Variants in RPS6KA2 observed in about 807,000 individuals in gnomAD.
RPS6KA2 encodes ribosomal protein S6 kinase alpha-2.
RPS6KA2 carries 42 observed loss-of-function variants against 91.8 expected under a neutral mutation model. That is an observed-to-expected ratio of 0.46 (90% CI 0.36 to 0.59). RPS6KA2 has a LOEUF of 0.59. Among genes scored for constraint, RPS6KA2 ranks in the 20% least tolerant of loss-of-function variants. The pLI is 0.00. For synonymous variants in RPS6KA2, 414 were observed against 393.6 expected, an observed-to-expected ratio of 1.05 and a Z score of -0.61; for missense variants, 798 against 978.5, an observed-to-expected ratio of 0.82 and a Z score of 2.46.
At chr6:166,802,307 T>G (rs1376837463) in intron 2 of RPS6KA2, among the ~76,000 whole-genome samples, 2 of 151,840 alleles carry the variant, frequency 1.3e-5, no homozygotes, top group African/African-American at 4.8e-5. Context: ...TCCCTAGACA[T>G]TAGGAAAGAG....
chr6:166,488,362 A>G (rs1781481382), intron 10 of RPS6KA2, among the ~76,000 whole-genome samples: 1 of 152,230 alleles, frequency 6.6e-6, no homozygotes, highest in Non-Finnish European at 1.5e-5. Flanking sequence ...CAACTCGCTA[A>G]GACCGGCCCA....
At chr6:166,667,884 C>A (rs1788359469) in intron 2 of RPS6KA2, among the ~76,000 whole-genome samples, 2 of 152,190 alleles carry the variant, frequency 1.3e-5, no homozygotes, top group African/African-American at 4.8e-5. Context: ...GACTCTGAAA[C>A]CCCTGGGCCC....
chr6:166,459,502 C>T lies in RPS6KA2; in HGVS notation c.1022G>A (p.Arg341Lys), dbSNP rs756678287. ...IKPPFKPAVGRPEDTFHFDPE... is the reference protein window; with the variant it reads ...IKPPFKPAVGKPEDTFHFDPE... ...GTCAAAGTGGAAGGTGTCCTCAGGC[C>T]TGCCCACTGCTGGTTTGAACGGTGG... Residue 341 changes from arginine (R) to lysine (K), a missense_variant, in exon 12 of 21, where the codon AGG becomes AAG. By Grantham distance (26) the Arg-to-Lys change is conservative. Transcript: ENST00000265678. This position sits in a 1 kb window ranked among gnomAD's most constrained non-coding sequence, Gnocchi z 4.9. 6.2e-7 allele frequency: 1 copy of T among 1,614,120 alleles called. No homozygotes were observed. The highest frequency in any genetic ancestry group is 8.5e-7 in the Non-Finnish European group (1 of 1,180,010).
chr6:166,510,374 TA>T lies in RPS6KA2; in HGVS notation c.299-18del. ...GGTCCCGAACTGCAAAGTAAAAAGA[TA>T]AAGGCTTTCATGAGGCAGGAAATAA... On this transcript the variant is annotated intron_variant, in intron 3 of 20. Transcript: ENST00000265678. The T allele has an allele frequency of 6.5e-7, 1 of 1,545,536 alleles. No individual in the cohort carries two copies. Among genetic ancestry groups the T allele is most frequent in the Non-Finnish European group, 8.8e-7 (1 of 1,131,212 alleles).
chr6:166,541,693 C>G (rs1241661190), intron 1 of RPS6KA2, among the ~76,000 whole-genome samples: 2 of 152,218 alleles, frequency 1.3e-5, no homozygotes, highest in Non-Finnish European at 2.9e-5. Context: ...GCCACACCCC[C>G]ACCTCCGTTG....
At chr6:166,780,470 G>T (rs529203911) in intron 2 of RPS6KA2, among the ~76,000 whole-genome samples, 1 of 152,176 alleles carries the variant, frequency 6.6e-6, no homozygotes, top group African/African-American at 2.4e-5. Flanking sequence ...CCTGGACCTG[G>T]GGCTTCTGGC....
At chr6:166,447,493 C>T (rs538182286) in intron 14 of RPS6KA2, among the ~76,000 whole-genome samples, 27 of 152,042 alleles carry the variant, frequency 1.8e-4, no homozygotes, top group Admixed American at 1.4e-3. Flanking sequence ...GATTTTTTTT[C>T]GGCTGGCGTC....
intron 2 of RPS6KA2, among the ~76,000 whole-genome samples, chr6:166,690,162 A>ATGTCTG (rs1267760214): frequency 2.6e-5 from 4 of 152,188 alleles, no homozygotes; most frequent in African/African-American, 9.7e-5. Context: ...ACCACATCAC[A>ATGTCTG]ACCCACCAGT....
At chr6:166,592,651 G>T (rs112899355) in intron 1 of RPS6KA2, among the ~76,000 whole-genome samples, 2 of 151,518 alleles carry the variant, frequency 1.3e-5, no homozygotes, top group Admixed American at 6.6e-5. Context: ...AGGGACGGGG[G>T]AGGGCAGGCA....
At chr6:166,521,325 C>A (rs1782847513) in intron 3 of RPS6KA2, among the ~76,000 whole-genome samples, 1 of 152,222 alleles carries the variant, frequency 6.6e-6, no homozygotes, top group Admixed American at 6.5e-5. Flanking sequence ...GAGAGCCAAC[C>A]CCTGCCCTGC....
intron 14 of RPS6KA2, among the ~76,000 whole-genome samples, chr6:166,436,060 A>G (rs1223485234): frequency 6.6e-6 from 1 of 152,208 alleles, no homozygotes; most frequent in Non-Finnish European, 1.5e-5. Context: ...ACAAATTAAT[A>G]TGAATCGATC....
intron 2 of RPS6KA2, chr6:166,702,502 A>G: frequency 6.4e-7 from 1 of 1,553,754 alleles, no homozygotes. Context: ...GTCAGTGTTC[A>G]CTTGCTGACA....
At chr6:166,656,083 A>G (rs527390743) in intron 2 of RPS6KA2, among the ~76,000 whole-genome samples, 1 of 152,320 alleles carries the variant, frequency 6.6e-6, no homozygotes, top group South Asian at 2.1e-4. Flanking sequence ...GGGGAAGCTC[A>G]CGCCTAGAAC....
intron 1 of RPS6KA2, among the ~76,000 whole-genome samples, chr6:166,545,813 G>A (rs1783807501): frequency 6.6e-6 from 1 of 152,126 alleles, no homozygotes; most frequent in Non-Finnish European, 1.5e-5. Context: ...AAGGCAAATT[G>A]GACTCTGAAA....
chr6:166,417,781 T>C (rs1778588133), intron 19 of RPS6KA2, among the ~76,000 whole-genome samples: 1 of 152,096 alleles, frequency 6.6e-6, no homozygotes, highest in Non-Finnish European at 1.5e-5. Context: ...ATGCCGAGGA[T>C]AAGGCCAGGT....
At position 166,852,213 on chromosome 6, in the gene RPS6KA2, G is replaced by T. The variant is rs1780763331; in HGVS notation, c.123+5987C>A. Among the ~76,000 whole-genome samples, 1 of 152,200 alleles carries T rather than the reference G, an allele frequency of 6.6e-6. No homozygotes were observed. Among genetic ancestry groups the T allele is most frequent in the Non-Finnish European group, 1.5e-5 (1 of 68,030 alleles). ...CAAATGCAAATAGACTGCCATCATG[G>T]TGACTTATGTAACACCAGCTTTCAG... is the stretch of plus-strand genomic sequence containing the variant. On this transcript the variant is annotated intron_variant, in intron 2 of 21. Coordinates refer to the RPS6KA2 transcript ENST00000503859. The surrounding 1 kb of genome is among the most constrained non-coding windows in gnomAD (Gnocchi z 4.1).
intron 2 of RPS6KA2, among the ~76,000 whole-genome samples, chr6:166,786,586 C>T (rs1178364888): frequency 6.6e-6 from 1 of 151,732 alleles, no homozygotes; most frequent in Non-Finnish European, 1.5e-5. Context: ...TTGTAATTTA[C>T]TTCAAACATT....
In RPS6KA2 at chr6:166,784,231, A is replaced by AT. The variant is rs1778860317; in HGVS notation, c.123+73968_123+73969insA. Among the ~76,000 whole-genome samples the AT allele has an allele frequency of 1.9e-3, 5 of 2,634 alleles. 2 individuals carry two copies. Among genetic ancestry groups the AT allele is most frequent in the Non-Finnish European group, 0.062 (2 of 32 alleles). The allele number at this position is 2,634 out of a possible 152,430, so 1.7% of individuals were successfully genotyped here. On this transcript the variant is annotated intron_variant, in intron 2 of 21. Coordinates refer to the RPS6KA2 transcript ENST00000503859. ...TATGCACACGTGCACACCTACGCATAACCACATATGCACACGTGCACACCT... is the reference window on the plus strand; with the variant it reads ...TATGCACACGTGCACACCTACGCATATACCACATATGCACACGTGCACACCT...
chr6:166,522,323 T>C (rs566525465), intron 3 of RPS6KA2, among the ~76,000 whole-genome samples: 65 of 152,338 alleles, frequency 4.3e-4, no homozygotes, highest in African/African-American at 1.4e-3. Context: ...AGGAAACCAC[T>C]GTGTTGGGGA....
Sources: allele counts gnomAD v4.1 joint callset (sites outside exome capture counted in the v4.1 genomes callset), GRCh38; gene constraint gnomAD v4.1.1; non-coding constraint Gnocchi (gnomAD v3.1); transcripts MANE v1.5; gene names NCBI Gene and HGNC (gene_info 2026-07-23, HGNC 2026-07-21).